Variants in MSH3 observed in about 807,000 individuals in gnomAD.
MSH3 encodes mutS homolog 3, also known as DNA mismatch repair protein Msh3.
MSH3 carries 106 observed loss-of-function variants against 123.3 expected under a neutral mutation model. The observed-to-expected ratio is 0.86, with a 90% CI of 0.73 to 1.01. The LOEUF (loss-of-function observed/expected upper bound fraction) is 1.01, where lower values mean the gene tolerates loss of function less well. MSH3 is among the 50% of genes least tolerant of loss of function. The pLI is 0.00. For synonymous variants in MSH3, 515 were observed against 481.4 expected, an observed-to-expected ratio of 1.07 and a Z score of -0.91; for missense variants, 1,459 against 1,347.6, an observed-to-expected ratio of 1.08 and a Z score of -1.29.
Position 80,672,813 on chromosome 5 carries a change from C to T in MSH3, c.982C>T (p.Arg328Trp), listed in dbSNP as rs745412081. 2.6e-5 allele frequency: 42 copies of T among 1,613,060 alleles called. No individual in the cohort carries two copies. The highest frequency in any genetic ancestry group is 4.5e-5 in the East Asian group (2 of 44,830). The change falls in exon 6 of 24, where the codon CGG (arginine) becomes TGG (tryptophan). Residue 328 changes from arginine (R) to tryptophan (W), a missense_variant. Physicochemically the swap from Arg to Trp is moderately radical, Grantham distance 101 (BLOSUM62 -3). Coordinates refer to ENST00000265081, the MANE Select transcript of MSH3 (RefSeq NM_002439.5). ...IGDNRSSLFSRKLTALYTKST... is the reference protein window; with the variant it reads ...IGDNRSSLFSWKLTALYTKST... ...AGACAACAGAAGTTCACTCTTTTCC[C>T]GGAAATTGACTGCCCTTTATACAAA...
intron 8 of MSH3, among the ~76,000 whole-genome samples, chr5:80,709,229 G>C (rs1750791640): frequency 6.6e-6 from 1 of 151,952 alleles, no homozygotes; most frequent in African/African-American, 2.4e-5. Flanking sequence ...GTGTGTGTGT[G>C]TGTGTGTGTG....
intron 4 of MSH3, among the ~76,000 whole-genome samples, chr5:80,671,832 C>T (rs942036535): frequency 6.6e-6 from 1 of 152,182 alleles, no homozygotes; most frequent in Admixed American, 6.5e-5. Context: ...ATTTCTCTGT[C>T]CGGATGGGTT....
intron 20 of MSH3, among the ~76,000 whole-genome samples, chr5:80,849,604 C>T (rs1283283398): frequency 6.6e-6 from 1 of 152,180 alleles, no homozygotes; most frequent in Non-Finnish European, 1.5e-5. Context: ...GGCTTGCATC[C>T]TCTGAAGCCA....
intron 10 of MSH3, among the ~76,000 whole-genome samples, chr5:80,731,624 A>G (rs1464026325): frequency 6.6e-6 from 1 of 152,140 alleles, no homozygotes; most frequent in Non-Finnish European, 1.5e-5. Flanking sequence ...ATTGGAAACC[A>G]AGATTAATAA....
intron 8 of MSH3, among the ~76,000 whole-genome samples, chr5:80,695,401 C>G (rs1750454658): frequency 6.6e-6 from 1 of 151,976 alleles, no homozygotes; most frequent in Non-Finnish European, 1.5e-5. Flanking sequence ...GTGGCATGAT[C>G]TCAGCTCACT....
intron 20 of MSH3, among the ~76,000 whole-genome samples, chr5:80,818,345 G>A (rs1374723394): frequency 8.3e-6 from 1 of 119,832 alleles, no homozygotes; most frequent in African/African-American, 3.2e-5. Context: ...TAGACTGTGG[G>A]AAACTATAGG....
Position 80,709,719 on chromosome 5 carries a change from G to T in MSH3, c.1341-15734G>T, listed in dbSNP as rs1750807400. ...ATAGATAAGCTTTTCTTTACCTTTG[G>T]TTTTCTCATATTTGAGGACTGCAAT... On this transcript the variant is annotated intron_variant, in intron 8 of 23. Transcript: ENST00000265081. Among the ~76,000 whole-genome samples, 4 of 152,100 alleles carry T rather than the reference G, an allele frequency of 2.6e-5. 1 individual carries two copies. In the South Asian group the frequency reaches 8.3e-4, roughly 32 times the overall value.
intron 22 of MSH3, among the ~76,000 whole-genome samples, chr5:80,869,829 TATAC>T (rs1372889783): frequency 1.4e-3 from 65 of 46,634 alleles, no homozygotes; most frequent in African/African-American, 5.2e-3. Flanking sequence ...TATATACATA[TATAC>T]ATATATATAC....
intron 20 of MSH3, among the ~76,000 whole-genome samples, chr5:80,826,548 A>ATT (rs10625891): frequency 0.81 from 113,914 of 140,470 alleles, 46,412 homozygotes; most frequent in East Asian, 0.99. Flanking sequence ...GAGGTTAGGA[A>ATT]TTTTTTTTTT....
intron 10 of MSH3, among the ~76,000 whole-genome samples, chr5:80,733,150 A>T (rs1003342023): frequency 6.6e-6 from 1 of 152,204 alleles, no homozygotes; most frequent in Non-Finnish European, 1.5e-5. Context: ...CATGTGATCA[A>T]TGTGATAGAA....
At chr5:80,761,799 A>G (rs374936254) in intron 13 of MSH3, 121 bp downstream of exon 13, 1 of 1,073,380 alleles carries the variant, frequency 9.3e-7, no homozygotes, top group African/African-American at 1.6e-5. Context: ...TACAAATAGC[A>G]TGCGAGAGTA....
intron 6 of MSH3, 149 bp from the exon 7 acceptor site, chr5:80,674,834 C>A: frequency 1.5e-6 from 1 of 664,674 alleles, no homozygotes; most frequent in Non-Finnish European, 2.5e-6. Flanking sequence ...ACCACCTTGG[C>A]CTCCTAAAGT....
At chr5:80,722,403 A>T (rs1340210732) in intron 8 of MSH3, among the ~76,000 whole-genome samples, 1 of 152,242 alleles carries the variant, frequency 6.6e-6, no homozygotes, top group African/African-American at 2.4e-5. Context: ...ATGTTCTTAG[A>T]TCATTAGATA....
chr5:80,773,461 C>A (rs1429862547), intron 15 of MSH3, among the ~76,000 whole-genome samples: 1 of 152,142 alleles, frequency 6.6e-6, no homozygotes, highest in African/African-American at 2.4e-5. Flanking sequence ...ATGAGGGCAT[C>A]ACTAGTTCAA....
chr5:80,732,018 AGATAGTTT>A (rs571112465), intron 10 of MSH3, among the ~76,000 whole-genome samples: 253 of 152,328 alleles, frequency 1.7e-3, no homozygotes, highest in Admixed American at 2.5e-3. Flanking sequence ...ATAGAATTTT[AGATAGTTT>A]GAGAAAATAT....
chr5:80,808,847 T>C, intron 19 of MSH3, among the ~76,000 whole-genome samples: 1 of 57,052 alleles, frequency 1.8e-5, no homozygotes, highest in East Asian at 4.1e-4. Flanking sequence ...CTTTGGGTAA[T>C]ATATCTTCTT....
chr5:80,842,697 T>G (rs886453566), intron 20 of MSH3, among the ~76,000 whole-genome samples: 1 of 152,220 alleles, frequency 6.6e-6, no homozygotes, highest in African/African-American at 2.4e-5. Flanking sequence ...ACTCATGATT[T>G]GGCTATTTGT....
At chr5:80,731,475 C>T (rs1369267253) in intron 10 of MSH3, among the ~76,000 whole-genome samples, 1 of 151,640 alleles carries the variant, frequency 6.6e-6, no homozygotes, top group Non-Finnish European at 1.5e-5. Context: ...GTATATATTC[C>T]CAGCATCCAG....
chr5:80,678,859 T>C, intron 7 of MSH3, 68 bp from the exon 8 acceptor site: 1 of 1,547,302 alleles, frequency 6.5e-7, no homozygotes, highest in Non-Finnish European at 8.9e-7. Context: ...TCCATGTTTA[T>C]GCTGTGTTAT....
Sources: allele counts gnomAD v4.1 joint callset (sites outside exome capture counted in the v4.1 genomes callset), GRCh38; gene constraint gnomAD v4.1.1; transcripts MANE v1.5; gene names NCBI Gene and HGNC (gene_info 2026-07-23, HGNC 2026-07-21).